The following SUMF1 variants were observed in gnomAD, a reference collection of about 807,000 sequenced individuals.
SUMF1 encodes the protein sulfatase modifying factor 1, also known as formylglycine-generating enzyme.
In SUMF1, 48 loss-of-function variants were observed where a neutral mutation model predicts 47.6. The ratio of observed to expected loss-of-function variants is 1.01; its 90% CI spans 0.80 to 1.28. SUMF1 has a LOEUF of 1.28. Among genes scored for constraint, SUMF1 ranks in the 50% most tolerant of loss-of-function variants. SUMF1 has a pLI of 0.00. For synonymous variants in SUMF1, 230 were observed against 192.1 expected (o/e 1.20, Z -1.63); for missense variants, 571 against 485.4 (o/e 1.18, Z -1.66).
intron 8 of SUMF1, among the ~76,000 whole-genome samples, chr3:4,163,333 T>TGAGA (rs977359677): frequency 1.9e-5 from 2 of 103,256 alleles, no homozygotes; most frequent in South Asian, 3.5e-4. Flanking sequence ...TTCATGCAGA[T>TGAGA]GAGAGAGAGA....
At chr3:4,236,501 C>A (rs537597180) in intron 8 of SUMF1, among the ~76,000 whole-genome samples, 1 of 152,190 alleles carries the variant, frequency 6.6e-6, no homozygotes, top group East Asian at 1.9e-4. Flanking sequence ...TGCCTATAGT[C>A]CCAGCTACTC....
chr3:4,241,838 T>G (rs923095), intron 8 of SUMF1, among the ~76,000 whole-genome samples: 100,156 of 151,994 alleles, frequency 0.66, 34,262 homozygotes, highest in African/African-American at 0.84. Flanking sequence ...AGATTTTATA[T>G]ACAGGCTTGA....
chr3:4,189,614 G>A (rs929263801), intron 8 of SUMF1, among the ~76,000 whole-genome samples: 1 of 152,032 alleles, frequency 6.6e-6, no homozygotes, highest in Non-Finnish European at 1.5e-5. Context: ...CTGTGACAAG[G>A]CAAATGGTGG....
At chr3:4,421,417 C>T (rs370430435) in intron 3 of SUMF1, among the ~76,000 whole-genome samples, 2 of 152,282 alleles carry the variant, frequency 1.3e-5, no homozygotes, top group South Asian at 2.1e-4. Flanking sequence ...CCCCATGACA[C>T]TCAGTCACAA....
chr3:4,247,635 T>C (rs928321450), intron 8 of SUMF1, among the ~76,000 whole-genome samples: 6 of 152,074 alleles, frequency 3.9e-5, no homozygotes, highest in African/African-American at 1.4e-4. Context: ...AATTAAGACA[T>C]GAGTTAGAGC....
At chr3:4,090,444 A>AGTTCC (rs1429395327) in intron 8 of SUMF1, among the ~76,000 whole-genome samples, 1 of 152,112 alleles carries the variant, frequency 6.6e-6, no homozygotes, top group East Asian at 1.9e-4. Flanking sequence ...CTCCAAGGTC[A>AGTTCC]GTTCCCACCT....
intron 8 of SUMF1, among the ~76,000 whole-genome samples, chr3:4,223,920 T>A (rs1696119270): frequency 6.6e-6 from 1 of 152,138 alleles, no homozygotes; most frequent in Non-Finnish European, 1.5e-5. Flanking sequence ...CATTTCTTCA[T>A]CTGTTAAATA....
At chr3:4,062,324 G>A (rs1453603081) in intron 9 of SUMF1, among the ~76,000 whole-genome samples, 1 of 152,116 alleles carries the variant, frequency 6.6e-6, no homozygotes, top group African/African-American at 2.4e-5. Context: ...GCTCCCTTAT[G>A]TGCAACATCA....
At chr3:4,183,885 T>C (rs1342634198) in intron 8 of SUMF1, among the ~76,000 whole-genome samples, 2 of 151,912 alleles carry the variant, frequency 1.3e-5, no homozygotes, top group African/African-American at 2.4e-5. Context: ...TAAAGAAAAA[T>C]GGCAATTAGG....
At chr3:4,297,824 C>G (rs1245421009) in intron 8 of SUMF1, among the ~76,000 whole-genome samples, 1 of 152,116 alleles carries the variant, frequency 6.6e-6, no homozygotes, top group Non-Finnish European at 1.5e-5. Context: ...GAATATTAAG[C>G]TCAGATAATG....
intron 8 of SUMF1, among the ~76,000 whole-genome samples, chr3:4,214,318 A>G (rs770528358): frequency 1.3e-5 from 2 of 152,178 alleles, no homozygotes; most frequent in South Asian, 2.1e-4. Context: ...TACTCAGTAA[A>G]TAACAAAATG....
chr3:4,169,512 A>T (rs1306738983), intron 8 of SUMF1, among the ~76,000 whole-genome samples: 2 of 152,176 alleles, frequency 1.3e-5, no homozygotes, highest in African/African-American at 4.8e-5. Context: ...CCAGAGAGGA[A>T]AAAAGGATCC....
In SUMF1 at chr3:4,371,087, G is replaced by A. The variant is rs564878782; in HGVS notation, c.1014+5243C>T. On this transcript the variant is annotated intron_variant, in intron 8 of 8. Coordinates refer to ENST00000272902, the MANE Select transcript of SUMF1 (RefSeq NM_182760.4). Reference sequence around the variant, plus strand: ...CTCAGCAAACATTTATTAATAAGTCGTTTATTTTAAATTCCAACTAATAAA... The same window carrying A: ...CTCAGCAAACATTTATTAATAAGTCATTTATTTTAAATTCCAACTAATAAA... Among the ~76,000 whole-genome samples, 24 of 152,246 alleles carry A rather than the reference G, an allele frequency of 1.6e-4. No homozygotes were observed. In the South Asian group the frequency reaches 3.5e-3, roughly 22 times the overall value.
intron 8 of SUMF1, chr3:4,313,255 G>T (rs753783828): frequency 1.2e-6 from 2 of 1,613,918 alleles, no homozygotes; most frequent in South Asian, 1.1e-5. Flanking sequence ...TGCTGGTGAG[G>T]TTTTAGGATT....
At chr3:4,069,832 C>G (rs1695475989) in intron 8 of SUMF1, among the ~76,000 whole-genome samples, 1 of 152,148 alleles carries the variant, frequency 6.6e-6, no homozygotes, top group South Asian at 2.1e-4. Flanking sequence ...TCTTGCCACA[C>G]TTTGAAATTA....
intron 1 of SUMF1, among the ~76,000 whole-genome samples, chr3:4,459,459 C>T (rs1575254062): frequency 6.6e-6 from 1 of 152,120 alleles, no homozygotes; most frequent in East Asian, 1.9e-4. Flanking sequence ...AAAATAACAT[C>T]AGAAGAAACA....
At chr3:4,066,061 G>C (rs1260053228) in intron 9 of SUMF1, among the ~76,000 whole-genome samples, 1 of 152,010 alleles carries the variant, frequency 6.6e-6, no homozygotes, top group Non-Finnish European at 1.5e-5. Context: ...CCAACAGAAT[G>C]AGCCTCCTGG....
intron 8 of SUMF1, among the ~76,000 whole-genome samples, chr3:4,101,979 G>C (rs1693043697): frequency 6.6e-6 from 1 of 152,124 alleles, no homozygotes; most frequent in Non-Finnish European, 1.5e-5. Flanking sequence ...GAATGAATGA[G>C]TGCTGAGCAA....
intron 8 of SUMF1, among the ~76,000 whole-genome samples, chr3:4,146,010 G>A (rs1431053893): frequency 6.6e-6 from 1 of 152,114 alleles, no homozygotes; most frequent in East Asian, 1.9e-4. Context: ...TCCCTGTTGT[G>A]TCGACTTGGT....
Sources: gnomAD v4.1 joint callset for allele counts (sites outside exome capture counted in the v4.1 genomes callset) on GRCh38, gnomAD v4.1.1 for gene constraint, MANE v1.5 for transcripts, NCBI Gene and HGNC (gene_info 2026-07-23, HGNC 2026-07-21) for gene names.